The following CCDC141 variants were observed in gnomAD, a reference collection of about 807,000 sequenced individuals.
The protein encoded by CCDC141 is coiled-coil domain containing 141.
Under a neutral mutation model 181.0 loss-of-function variants are expected in CCDC141, and 168 were observed. That is an observed-to-expected ratio of 0.93 (90% CI 0.82 to 1.05). The LOEUF (loss-of-function observed/expected upper bound fraction) is 1.05. Among genes scored for constraint, CCDC141 ranks in the 50% least tolerant of loss-of-function variants. The pLI is 0.00. For missense variants in CCDC141, 1,902 were observed against 1,788.5 expected (o/e 1.06, Z -1.14); for synonymous variants, 666 against 642.3 (o/e 1.04, Z -0.56).
At chr2:178,961,175 A>G (rs1442956205) in intron 5 of CCDC141, 55 bp downstream of exon 5, 5 of 1,530,102 alleles carry the variant, frequency 3.3e-6, no homozygotes, top group Admixed American at 2.0e-5. Flanking sequence ...TGGTTAATCC[A>G]TATAACAACT....
chr2:178,856,544 CTT>C, intron 17 of CCDC141, 147 bp from the exon 18 acceptor site: 1 of 502,794 alleles, frequency 2.0e-6, no homozygotes, highest in Non-Finnish European at 3.4e-6. Flanking sequence ...CTCCCTCTCT[CTT>C]TCTTTCTTTC....
At chr2:178,998,801 G>T (rs1692401483) in intron 2 of CCDC141, among the ~76,000 whole-genome samples, 1 of 152,084 alleles carries the variant, frequency 6.6e-6, no homozygotes, top group South Asian at 2.1e-4. Context: ...TCTCAAGCAA[G>T]TGTCAATGGT....
At chr2:178,823,585 G>GA in the CCDC141 span, among the ~76,000 whole-genome samples, 6 of 152,194 alleles carry the variant, frequency 3.9e-5, no homozygotes, top group East Asian at 1.2e-3. Context: ...CTAATGGATT[G>GA]AAAAAACCAA....
chr2:178,858,362 G>A (rs1685471103), intron 17 of CCDC141, among the ~76,000 whole-genome samples: 1 of 152,130 alleles, frequency 6.6e-6, no homozygotes, highest in Non-Finnish European at 1.5e-5. Flanking sequence ...AATTTTATAA[G>A]ATTGAGATAT....
chr2:178,957,180 C>T (rs936493821), intron 5 of CCDC141, among the ~76,000 whole-genome samples: 5 of 152,080 alleles, frequency 3.3e-5, no homozygotes, highest in East Asian at 3.8e-4. Flanking sequence ...GCCGAGAAAG[C>T]TTTCATAAGT....
chr2:178,909,428 G>A (rs1195057125), intron 7 of CCDC141, among the ~76,000 whole-genome samples: 1 of 152,098 alleles, frequency 6.6e-6, no homozygotes, highest in Non-Finnish European at 1.5e-5. Context: ...ATACCTATTG[G>A]TACGATGGGC....
At chr2:178,953,209 G>A (rs1294074320) in intron 5 of CCDC141, among the ~76,000 whole-genome samples, 2 of 152,170 alleles carry the variant, frequency 1.3e-5, no homozygotes, top group Non-Finnish European at 2.9e-5. Flanking sequence ...GGCCGAGGCA[G>A]GCGGATCACA....
In CCDC141 at chr2:178,959,456, A is replaced by G. The variant is rs1454980517; in HGVS notation, c.780+1774T>C. ...GCGAGGAGCAAGTGAGCTAAAATAT[A>G]CCCACTCATGCTCAGAAGGACAAAG... is the stretch of plus-strand genomic sequence containing the variant. On this transcript the variant is annotated intron_variant, in intron 5 of 23. Coordinates refer to ENST00000443758, the MANE Select transcript of CCDC141 (RefSeq NM_173648.4). 2.0e-5 allele frequency among the ~76,000 whole-genome samples: 3 copies of G among 152,084 alleles called. No individual in the cohort carries two copies. In the East Asian group the frequency reaches 5.8e-4, roughly 29 times the overall value.
chr2:178,907,313 A>G (rs903953934), intron 7 of CCDC141, among the ~76,000 whole-genome samples: 1 of 152,196 alleles, frequency 6.6e-6, no homozygotes, highest in African/African-American at 2.4e-5. Flanking sequence ...GCAGAAAGTG[A>G]CACTTCTACC....
chr2:178,839,977 C>T (rs72957367), intron 22 of CCDC141, among the ~76,000 whole-genome samples: 3,702 of 152,280 alleles, frequency 0.024, 77 homozygotes, highest in Non-Finnish European at 0.038. Context: ...AACACTTTTT[C>T]TGAAAGAGTA....
At position 179,015,083 on chromosome 2, in the gene CCDC141, TATATATATATATATATATATA is replaced by T. The variant is rs1559048540; in HGVS notation, c.225+32180_225+32200del. ...AGAGACAGAGATATATATATATATA[TATATATATATATATATATATA>T]ATATATATATAATCATATATATATA... On this transcript the variant is annotated intron_variant, in intron 2 of 23. Transcript: ENST00000443758. Among the ~76,000 whole-genome samples the T allele has an allele frequency of 7.7e-4, 30 of 39,068 alleles. 6 individuals are homozygous for T. Among genetic ancestry groups the T allele is most frequent in the African/African-American group, 2.3e-3 (30 of 13,278 alleles). The allele number at this position is 39,068 out of a possible 152,430, so 25.6% of individuals were successfully genotyped here.
chr2:179,019,134 A>T (rs1291458752), intron 2 of CCDC141, among the ~76,000 whole-genome samples: 1 of 152,154 alleles, frequency 6.6e-6, no homozygotes, highest in Non-Finnish European at 1.5e-5. Context: ...CAATGTTCCA[A>T]AGTCCAGCAA....
rs1338934064 is a variant in CCDC141, at chr2:179,050,040, G to A, written c.-99C>T. On this transcript the variant is annotated 5_prime_UTR_variant, in exon 1 of 24. Coordinates refer to ENST00000443758, the MANE Select transcript of CCDC141 (RefSeq NM_173648.4). Reference sequence around the variant, plus strand: ...CCAGGGTTACTTGGATTCATTCAGGGAAAGAGCTCAGCTCACACTGATTAC... The same window carrying A: ...CCAGGGTTACTTGGATTCATTCAGGAAAAGAGCTCAGCTCACACTGATTAC... 2.0e-6 allele frequency: 3 copies of A among 1,525,900 alleles called. No homozygotes were observed. Among genetic ancestry groups the A allele is most frequent in the Non-Finnish European group, 2.6e-6 (3 of 1,133,680 alleles). The allele number at this position is 1,525,900 out of a possible 1,614,324, so 94.5% of individuals were successfully genotyped here. A position where few individuals can be genotyped will look rare whatever the true frequency, so the allele number is the denominator to read the frequency against.
chr2:179,041,490 G>GT (rs2043301675), intron 2 of CCDC141, among the ~76,000 whole-genome samples: 1 of 103,188 alleles, frequency 9.7e-6, no homozygotes, highest in Non-Finnish European at 1.9e-5. Context: ...GTTGGTTGTG[G>GT]GTTTTTTTTT....
rs188468042 is a variant in CCDC141 at position 178,935,842 on chromosome 2, A to T, written c.897+8693T>A. 5.3e-5 allele frequency among the ~76,000 whole-genome samples: 8 copies of T among 152,162 alleles called. No individual in the cohort carries two copies. In the East Asian group the frequency reaches 1.5e-3, roughly 29 times the overall value. ...TGGTTTTTATTTGTATTTCTCTAATAATCAGTGATATTGAGCTTTTTTTTC... is the reference window on the plus strand; with the variant it reads ...TGGTTTTTATTTGTATTTCTCTAATTATCAGTGATATTGAGCTTTTTTTTC... On this transcript the variant is annotated intron_variant, in intron 6 of 23. Transcript: ENST00000443758.
At chr2:178,998,774 G>A (rs1055847791) in intron 2 of CCDC141, among the ~76,000 whole-genome samples, 8 of 151,812 alleles carry the variant, frequency 5.3e-5, no homozygotes, top group African/African-American at 1.7e-4. Context: ...AGGATATCAC[G>A]GTCTTTGATG....
At chr2:178,971,978 A>G (rs559773881) in intron 4 of CCDC141, among the ~76,000 whole-genome samples, 20 of 152,224 alleles carry the variant, frequency 1.3e-4, no homozygotes, top group African/African-American at 4.6e-4. Context: ...AATGTAAGTG[A>G]CGGGTTGATG....
intron 7 of CCDC141, among the ~76,000 whole-genome samples, chr2:178,918,030 T>A (rs1688527728): frequency 6.6e-6 from 1 of 152,136 alleles, no homozygotes. Context: ...CTTGATACAT[T>A]TATGATAATT....
intron 2 of CCDC141, among the ~76,000 whole-genome samples, chr2:179,033,293 T>C (rs2043051554): frequency 6.6e-6 from 1 of 151,922 alleles, no homozygotes; most frequent in Non-Finnish European, 1.5e-5. Flanking sequence ...ATTTGCATAA[T>C]GTTTACATTA....
Sources: allele counts gnomAD v4.1 joint callset (sites outside exome capture counted in the v4.1 genomes callset), GRCh38; gene constraint gnomAD v4.1.1; transcripts MANE v1.5; gene names NCBI Gene and HGNC (gene_info 2026-07-23, HGNC 2026-07-21).